Variants in SLC44A5 observed in about 807,000 individuals in gnomAD.
The protein encoded by SLC44A5 is solute carrier family 44 member 5, also known as choline transporter-like protein 5.
Under a neutral mutation model 101.8 loss-of-function variants are expected in SLC44A5, and 57 were observed. The ratio of observed to expected loss-of-function variants is 0.56; its 90% CI spans 0.45 to 0.70. SLC44A5 has a LOEUF of 0.70. SLC44A5 is among the 30% of genes least tolerant of loss of function. The pLI is 0.00. For missense variants in SLC44A5, 737 were observed against 853.1 expected (o/e 0.86, Z 1.70); for synonymous variants, 281 against 290.9 (o/e 0.97, Z 0.35).
Position 75,296,879 on chromosome 1 carries a change from T to C in SLC44A5, c.175+3733A>G, listed in dbSNP as rs138018719. Among the ~76,000 whole-genome samples, 367 of 152,270 alleles carry C rather than the reference T, an allele frequency of 2.4e-3. 7 individuals are homozygous for C. The highest frequency in any genetic ancestry group is 0.023 in the Admixed American group (344 of 15,288). On this transcript the variant is annotated intron_variant, in intron 5 of 23. Coordinates refer to ENST00000370859, the MANE Select transcript of SLC44A5 (RefSeq NM_001130058.2). ...AATAAATTTTTATTTTGCTCATGAT[T>C]TGGGGTGTCAGGAATTTGGGGAAAG...
chr1:75,489,631 C>G (rs1160468418), intron 2 of SLC44A5, among the ~76,000 whole-genome samples: 1 of 152,154 alleles, frequency 6.6e-6, no homozygotes, highest in Non-Finnish European at 1.5e-5. Context: ...CAGTGAGTCT[C>G]CATCATATCT....
intron 4 of SLC44A5, among the ~76,000 whole-genome samples, chr1:75,316,039 C>T (rs1655661675): frequency 6.6e-6 from 1 of 152,144 alleles, no homozygotes; most frequent in Non-Finnish European, 1.5e-5. Flanking sequence ...CCCTTTTTGG[C>T]CCCTAATCCA....
In SLC44A5 at chr1:75,255,852, T is replaced by A. The variant is rs140775661; in HGVS notation, c.261-4558A>T. Among the ~76,000 whole-genome samples the A allele has an allele frequency of 1.6e-4, 24 of 152,252 alleles. No homozygotes were observed. The East Asian group carries it at 4.6e-3, about 29-fold the overall frequency. ...GGATAACAAAAATGATGGAGCAATG[T>A]CTTCACATTTCTGAAAAGAATTGTT... On this transcript the variant is annotated intron_variant, in intron 6 of 23. Transcript: ENST00000370859.
chr1:75,644,640 A>AT, the SLC44A5 span, among the ~76,000 whole-genome samples: 13 of 91,840 alleles, frequency 1.4e-4, no homozygotes, highest in Non-Finnish European at 1.9e-4. Flanking sequence ...TTATATATAT[A>AT]TATTTTTTTT....
intron 2 of SLC44A5, among the ~76,000 whole-genome samples, chr1:75,429,761 T>C (rs1664508030): frequency 2.0e-5 from 3 of 152,078 alleles, no homozygotes; most frequent in Admixed American, 2.0e-4. Context: ...CCAGATCTCG[T>C]GTGAACTCAG....
chr1:75,371,686 GAT>G (rs1394529514), intron 3 of SLC44A5, among the ~76,000 whole-genome samples: 1 of 152,126 alleles, frequency 6.6e-6, no homozygotes, highest in African/African-American at 2.4e-5. Context: ...ATCAATAAAA[GAT>G]ATATTCATTT....
chr1:75,555,577 C>T (rs1284498525), intron 1 of SLC44A5, among the ~76,000 whole-genome samples: 1 of 151,822 alleles, frequency 6.6e-6, no homozygotes, highest in Admixed American at 6.6e-5. Flanking sequence ...ATGGAGTGCC[C>T]GTTCAAAGCC....
intron 2 of SLC44A5, among the ~76,000 whole-genome samples, chr1:75,517,316 G>GGAGAGAGA (rs376458377): frequency 6.6e-6 from 1 of 151,796 alleles, no homozygotes; most frequent in Non-Finnish European, 1.5e-5. Context: ...TGAGAGGGAG[G>GGAGAGAGA]GAGAGAGAGA....
At chr1:75,217,823 C>A in intron 18 of SLC44A5, 43 bp downstream of exon 18, 1 of 1,312,756 alleles carries the variant, frequency 7.6e-7, no homozygotes. Flanking sequence ...ACCCCCAACC[C>A]AATTTATTAT....
intron 4 of SLC44A5, among the ~76,000 whole-genome samples, chr1:75,313,155 C>G (rs573928087): frequency 6.6e-6 from 1 of 152,248 alleles, no homozygotes; most frequent in South Asian, 2.1e-4. Flanking sequence ...ATCAGCCTCC[C>G]ACACATGTCT....
At chr1:75,677,495 A>G in the SLC44A5 span, among the ~76,000 whole-genome samples, 1 of 152,202 alleles carries the variant, frequency 6.6e-6, no homozygotes, top group African/African-American at 2.4e-5. Flanking sequence ...AAGAATTTTA[A>G]AAAGCAATAT....
intron 9 of SLC44A5, among the ~76,000 whole-genome samples, chr1:75,240,609 C>T (rs539419836): frequency 1.3e-5 from 2 of 152,028 alleles, no homozygotes; most frequent in African/African-American, 2.4e-5. Flanking sequence ...CTGAGAGCTT[C>T]CTGGTAAGTG....
chr1:75,667,149 T>C, the SLC44A5 span, among the ~76,000 whole-genome samples: 8 of 152,162 alleles, frequency 5.3e-5, no homozygotes, highest in African/African-American at 1.9e-4. Context: ...TTGTCTCTGT[T>C]TGCAGATGAC....
At chr1:75,569,898 G>A (rs1220751236) in intron 1 of SLC44A5, among the ~76,000 whole-genome samples, 1 of 152,192 alleles carries the variant, frequency 6.6e-6, no homozygotes, top group Non-Finnish European at 1.5e-5. Flanking sequence ...TAATACAGGA[G>A]AGGAAAAGTG....
intron 2 of SLC44A5, among the ~76,000 whole-genome samples, chr1:75,474,666 T>C (rs1465337891): frequency 6.6e-6 from 1 of 152,218 alleles, no homozygotes; most frequent in East Asian, 1.9e-4. Flanking sequence ...TAGAATTATG[T>C]GGCTCAAACA....
At chr1:75,208,941 G>GAATA (rs1646800465) in intron 23 of SLC44A5, among the ~76,000 whole-genome samples, 1 of 151,972 alleles carries the variant, frequency 6.6e-6, no homozygotes, top group Non-Finnish European at 1.5e-5. Flanking sequence ...AAGACAATAG[G>GAATA]AATAAATAAA....
chr1:75,666,920 A>G, the SLC44A5 span, among the ~76,000 whole-genome samples: 2 of 152,238 alleles, frequency 1.3e-5, no homozygotes, highest in African/African-American at 4.8e-5. Flanking sequence ...TAAACTAGGT[A>G]TTGATGGAAC....
the SLC44A5 span, among the ~76,000 whole-genome samples, chr1:75,675,003 G>C: frequency 3.3e-5 from 5 of 152,128 alleles, no homozygotes; most frequent in African/African-American, 9.7e-5. Context: ...ATGCTCTTTG[G>C]TTACTGTAGA....
At chr1:75,446,342 T>C (rs1665575875) in intron 2 of SLC44A5, among the ~76,000 whole-genome samples, 1 of 152,120 alleles carries the variant, frequency 6.6e-6, no homozygotes, top group African/African-American at 2.4e-5. Flanking sequence ...AGTTTTACTG[T>C]TTCTAGCAGA....
Sources: gnomAD v4.1 joint callset for allele counts (sites outside exome capture counted in the v4.1 genomes callset) on GRCh38, gnomAD v4.1.1 for gene constraint, MANE v1.5 for transcripts, NCBI Gene and HGNC (gene_info 2026-07-23, HGNC 2026-07-21) for gene names.